The following ZRANB3 variants were observed in gnomAD, a reference collection of about 807,000 sequenced individuals.
ZRANB3 encodes the protein zinc finger RANBP2-type containing 3, also known as DNA annealing helicase and endonuclease ZRANB3.
In ZRANB3, 125 loss-of-function variants were observed where a neutral mutation model predicts 133.8. The observed-to-expected ratio is 0.93, with a 90% CI of 0.81 to 1.08. The LOEUF (loss-of-function observed/expected upper bound fraction) is 1.08, where lower values mean the gene tolerates loss of function less well. ZRANB3 is among the 50% of genes least tolerant of loss of function. The probability of loss-of-function intolerance (pLI) is 0.00; values close to 1 mark genes in which losing one functional copy is unlikely to be tolerated. For missense variants in ZRANB3, 1,229 were observed against 1,275.5 expected (o/e 0.96, Z 0.56); for synonymous variants, 387 against 432.7 (o/e 0.89, Z 1.31).
intron 17 of ZRANB3, among the ~76,000 whole-genome samples, chr2:135,210,983 T>C (rs1694074077): frequency 6.6e-6 from 1 of 151,798 alleles, no homozygotes; most frequent in South Asian, 2.1e-4. Flanking sequence ...GAACTGAGAT[T>C]GCGCCACTGC....
chr2:135,323,757 C>CT lies in ZRANB3; in HGVS notation c.678-8228dup, dbSNP rs112073638. ...GTCTTTCCTCACCTTGATTTTTTCT[C>CT]TTTTTTTTTGAGATGGAGTCTTGCT... is the stretch of plus-strand genomic sequence containing the variant. On this transcript the variant is annotated intron_variant, in intron 6 of 20. Transcript: ENST00000264159. Among the ~76,000 whole-genome samples, 460 of 150,550 alleles carry CT rather than the reference C, an allele frequency of 3.1e-3. 3 individuals are homozygous for CT. Among genetic ancestry groups the CT allele is most frequent in the African/African-American group, 0.01 (421 of 40,988 alleles).
rs973157372 is a variant in ZRANB3, at chr2:135,208,988, T to C, written c.2496-10A>G. On this transcript the variant is annotated splice_polypyrimidine_tract_variant and intron_variant, in intron 17 of 20. Transcript: ENST00000264159. Reference sequence around the variant, plus strand: ...TTCTTTGGTTATGTATCTAAAACAATGATATGTTAAATAGATTCCCTCTAT... The same window carrying C: ...TTCTTTGGTTATGTATCTAAAACAACGATATGTTAAATAGATTCCCTCTAT... The C allele has an allele frequency of 1.2e-5, 19 of 1,609,620 alleles. No individual in the cohort carries two copies. Among genetic ancestry groups the C allele is most frequent in the Non-Finnish European group, 1.4e-5 (16 of 1,176,024 alleles).
intron 2 of ZRANB3, among the ~76,000 whole-genome samples, chr2:135,493,356 A>T (rs1184517075): frequency 6.6e-6 from 1 of 150,860 alleles, no homozygotes; most frequent in Non-Finnish European, 1.5e-5. Flanking sequence ...AAGGAAAATC[A>T]AAAGGAGGCT....
chr2:135,291,413 C>T (rs1436680227), intron 8 of ZRANB3, among the ~76,000 whole-genome samples: 2 of 152,004 alleles, frequency 1.3e-5, no homozygotes, highest in Admixed American at 6.5e-5. Context: ...GAACTCCTGA[C>T]CTCAAGTGAT....
In ZRANB3 at chr2:135,248,405, G is replaced by A. The variant is rs147070864; in HGVS notation, c.1539+17129C>T. On this transcript the variant is annotated intron_variant, in intron 12 of 20. Coordinates refer to ENST00000264159, the MANE Select transcript of ZRANB3 (RefSeq NM_032143.4). Reference sequence around the variant, plus strand: ...AGTTCTCATGACAACACCAAAGGCAGTCTTAACAAAAGCAACAGTTGACAA... The same window carrying A: ...AGTTCTCATGACAACACCAAAGGCAATCTTAACAAAAGCAACAGTTGACAA... 3.0e-3 allele frequency among the ~76,000 whole-genome samples: 452 copies of A among 152,294 alleles called. 3 individuals are homozygous for A. The highest frequency in any genetic ancestry group is 0.01 in the African/African-American group (421 of 41,574).
intron 1 of ZRANB3, chr2:135,511,570 T>C (rs1469726572): frequency 7.4e-6 from 7 of 952,164 alleles, no homozygotes; most frequent in Non-Finnish European, 1.0e-5. Context: ...ATTGTGAACA[T>C]AGAACTGATT....
chr2:135,367,232 T>C (rs1163280037), intron 3 of ZRANB3, among the ~76,000 whole-genome samples: 1 of 152,174 alleles, frequency 6.6e-6, no homozygotes, highest in African/African-American at 2.4e-5. Flanking sequence ...ACCTGTATGG[T>C]AAGAACCTCA....
chr2:135,411,855 C>A (rs1360298520), intron 2 of ZRANB3, among the ~76,000 whole-genome samples: 8 of 152,120 alleles, frequency 5.3e-5, no homozygotes, highest in African/African-American at 1.4e-4. Flanking sequence ...CCCAAACCCT[C>A]CCATTACGCA....
At chr2:135,478,558 T>C (rs893542589) in intron 2 of ZRANB3, among the ~76,000 whole-genome samples, 3 of 152,216 alleles carry the variant, frequency 2.0e-5, no homozygotes, top group African/African-American at 7.2e-5. Context: ...AATGGACATA[T>C]ACACTTAATG....
intron 2 of ZRANB3, among the ~76,000 whole-genome samples, chr2:135,475,256 C>T (rs1427677366): frequency 6.6e-6 from 1 of 152,186 alleles, no homozygotes; most frequent in Non-Finnish European, 1.5e-5. Flanking sequence ...TCTGTACTTA[C>T]ACATGAAGCA....
At chr2:135,241,264 ACT>A (rs1573741820) in intron 12 of ZRANB3, among the ~76,000 whole-genome samples, 2 of 148,630 alleles carry the variant, frequency 1.3e-5, no homozygotes, top group East Asian at 3.9e-4. Flanking sequence ...TACCCTGTAA[ACT>A]CTTAGTTTTC....
chr2:135,371,191 G>A (rs192543170), intron 3 of ZRANB3, among the ~76,000 whole-genome samples: 3 of 152,212 alleles, frequency 2.0e-5, no homozygotes, highest in Admixed American at 2.0e-4. Context: ...GAGGTTACAG[G>A]GTGGGATTTA....
chr2:135,291,341 C>T (rs150716550), intron 8 of ZRANB3, among the ~76,000 whole-genome samples: 1 of 151,786 alleles, frequency 6.6e-6, no homozygotes, highest in Non-Finnish European at 1.5e-5. Context: ...TGCCACCACA[C>T]CTAGCTAATT....
At chr2:135,481,250 A>G (rs1325507034) in intron 2 of ZRANB3, among the ~76,000 whole-genome samples, 1 of 150,660 alleles carries the variant, frequency 6.6e-6, no homozygotes, top group Non-Finnish European at 1.5e-5. Context: ...AAGTGTTCCT[A>G]TTTCTCCACA....
chr2:135,473,707 G>C (rs1044310650), intron 2 of ZRANB3, among the ~76,000 whole-genome samples: 25 of 152,128 alleles, frequency 1.6e-4, no homozygotes, highest in Admixed American at 1.5e-3. Context: ...GTCTTAAATA[G>C]AACCAAGGTC....
intron 3 of ZRANB3, among the ~76,000 whole-genome samples, chr2:135,382,078 G>T (rs990710868): frequency 6.6e-6 from 1 of 152,140 alleles, no homozygotes. Context: ...CCAATGCAAA[G>T]AACTTAAAAA....
At chr2:135,403,168 G>A (rs1055704523) in intron 2 of ZRANB3, among the ~76,000 whole-genome samples, 8 of 152,312 alleles carry the variant, frequency 5.3e-5, no homozygotes, top group Non-Finnish European at 7.3e-5. Flanking sequence ...TGCCTCACAC[G>A]GGAACCGCAA....
chr2:135,234,630 G>C (rs1343085434), intron 12 of ZRANB3, among the ~76,000 whole-genome samples: 1 of 152,188 alleles, frequency 6.6e-6, no homozygotes, highest in Non-Finnish European at 1.5e-5. Context: ...TCAGGATTAA[G>C]AAACTCACTC....
At chr2:135,206,881 A>G (rs1693882979) in intron 19 of ZRANB3, among the ~76,000 whole-genome samples, 1 of 152,012 alleles carries the variant, frequency 6.6e-6, no homozygotes, top group African/African-American at 2.4e-5. Context: ...AATCTAGGAG[A>G]TGGCCGGGCA....
Sources: allele counts gnomAD v4.1 joint callset (sites outside exome capture counted in the v4.1 genomes callset), GRCh38; gene constraint gnomAD v4.1.1; transcripts MANE v1.5; gene names NCBI Gene and HGNC (gene_info 2026-07-23, HGNC 2026-07-21).